CHD6: variants seen among roughly 807,000 people sequenced by gnomAD.
CHD6 encodes chromodomain helicase DNA binding protein 6, also known as ATP-dependent chromatin remodeler CHD6.
Under a neutral mutation model 276.9 loss-of-function variants are expected in CHD6, and 50 were observed. The ratio of observed to expected loss-of-function variants is 0.18; its 90% CI spans 0.14 to 0.23. The LOEUF (loss-of-function observed/expected upper bound fraction) is 0.23. Among genes scored for constraint, CHD6 ranks in the 10% least tolerant of loss-of-function variants. CHD6 has a pLI of 1.00. For synonymous variants in CHD6, 1,173 were observed against 1,229.3 expected (o/e 0.95, Z 0.96); for missense variants, 2,564 against 3,365.8 (o/e 0.76, Z 5.89).
In CHD6 at chr20:41,404,634, C is replaced by T. The variant is rs746546629; in HGVS notation, c.8107G>A (p.Gly2703Arg). The T allele has an allele frequency of 3.3e-6, 5 of 1,510,902 alleles. No individual in the cohort carries two copies. Among genetic ancestry groups the T allele is most frequent in the Non-Finnish European group, 3.5e-6 (4 of 1,129,674 alleles). 93.6% of individuals were successfully genotyped at this position (1,510,902 alleles called of 1,614,324 possible). Residue 2703 changes from glycine to arginine, a missense_variant, in exon 37 of 37, where the codon GGG becomes AGG. Gly to Arg is a moderately radical substitution (Grantham distance 125). Around this residue, in one of 7 missense-constraint regions of CHD6, gnomAD observed 238 missense variants for 266.0 expected, o/e 0.89. Coordinates refer to ENST00000373233, the MANE Select transcript of CHD6 (RefSeq NM_032221.5). ...PAEREHGAQA[G>R]EGALKDSNND... is the part of the protein sequence containing the mutation. The stretch of plus-strand genomic sequence containing the variant: ...TTGGAGTCTTTGAGTGCCCCCTCCC[C>T]AGCCTGTGCCCCATGTTCTCTCTCT...
rs1450891393 is a variant in CHD6, at chr20:41,445,756, T to G, written c.3786A>C (p.Val1262=). The part of the protein sequence containing the change: ...FEGSPARELD[V]PLPDIDYMEI... The stretch of plus-strand genomic sequence containing the variant: ...CCATGTAGTCGATGTCAGGCAGAGG[T>G]ACATCCAGCTCCCTAGGGAAGGAAG... Residue 1262 remains valine, a synonymous_variant, in exon 25 of 37, where the codon GTA becomes GTC. Coordinates refer to ENST00000373233, the MANE Select transcript of CHD6 (RefSeq NM_032221.5). 4 of 1,611,430 alleles carry G rather than the reference T, an allele frequency of 2.5e-6. No individual in the cohort carries two copies. Among genetic ancestry groups the G allele is most frequent in the Non-Finnish European group, 3.4e-6 (4 of 1,177,638 alleles).
chr20:41,549,127 G>C (rs1166559129), intron 2 of CHD6, among the ~76,000 whole-genome samples: 6 of 151,556 alleles, frequency 4.0e-5, no homozygotes, highest in Admixed American at 1.3e-4. Context: ...ATTTGACCCA[G>C]CCATCCCATT....
At chr20:41,558,844 C>G (rs948875106) in intron 1 of CHD6, among the ~76,000 whole-genome samples, 3 of 152,098 alleles carry the variant, frequency 2.0e-5, no homozygotes, top group African/African-American at 7.2e-5. Flanking sequence ...ACAGCACCCC[C>G]ACCTCCCACC....
intron 1 of CHD6, among the ~76,000 whole-genome samples, chr20:41,589,191 C>T (rs147045197): frequency 1.1e-4 from 17 of 152,258 alleles, no homozygotes; most frequent in African/African-American, 2.6e-4. Context: ...AAACTCTCAA[C>T]AAATTAGGTA....
intron 4 of CHD6, 106 bp downstream of exon 4, chr20:41,514,698 GC>G: frequency 7.6e-7 from 1 of 1,308,328 alleles, no homozygotes; most frequent in Non-Finnish European, 1.1e-6. Context: ...CCAGCCCAGG[GC>G]TAGGGAGTGT....
intron 33 of CHD6, among the ~76,000 whole-genome samples, chr20:41,415,969 G>C (rs957387052): frequency 6.6e-6 from 1 of 152,206 alleles, no homozygotes. Context: ...CACCTGGGAA[G>C]TTTAAAACAA....
intron 25 of CHD6, among the ~76,000 whole-genome samples, chr20:41,440,581 T>A (rs1452910010): frequency 6.6e-6 from 1 of 152,236 alleles, no homozygotes; most frequent in East Asian, 1.9e-4. Flanking sequence ...GATTGTTTAT[T>A]GCATTAAGAC....
chr20:41,543,588 T>TGGACATATATTAAATAAATGTAGTA (rs1327645906), intron 2 of CHD6, among the ~76,000 whole-genome samples: 1 of 152,208 alleles, frequency 6.6e-6, no homozygotes, highest in Non-Finnish European at 1.5e-5. Context: ...ATTTATTAAG[T>TGGACATATATTAAATAAATGTAGTA]GGACATATAT....
At chr20:41,526,254 A>G (rs952293892) in intron 3 of CHD6, among the ~76,000 whole-genome samples, 1 of 152,168 alleles carries the variant, frequency 6.6e-6, no homozygotes, top group African/African-American at 2.4e-5. Flanking sequence ...ATGAAGTCCA[A>G]TGGGTTCCAA....
intron 5 of CHD6, among the ~76,000 whole-genome samples, chr20:41,505,614 C>T (rs915301257): frequency 2.0e-5 from 3 of 152,242 alleles, no homozygotes; most frequent in East Asian, 3.9e-4. Context: ...CTATTTGATG[C>T]CTTTAAAAAG....
intron 1 of CHD6, among the ~76,000 whole-genome samples, chr20:41,562,722 T>C (rs1288793653): frequency 6.6e-6 from 1 of 152,200 alleles, no homozygotes; most frequent in Non-Finnish European, 1.5e-5. Context: ...ATCTGTAAGA[T>C]TAAAAGAGGG....
chr20:41,420,887 G>C lies in CHD6; in HGVS notation c.5748C>G (p.Ser1916Arg). Residue 1916 changes from serine to arginine, a missense_variant, in exon 31 of 37, where the codon AGC becomes AGG. Physicochemically the swap from Ser to Arg is moderately radical, Grantham distance 110. This residue lies in a region of CHD6 where 1,024 missense variants were observed against 1,047.9 expected (regional missense o/e 0.98). Coordinates refer to ENST00000373233, the MANE Select transcript of CHD6 (RefSeq NM_032221.5). ...QGFQDETKKG[S>R]LEVANQTPGL... Reference sequence around the variant, plus strand: ...CAGGAGTCTGGTTTGCCACCTCTAAGCTTCCTTTCTTGGTTTCATCTTGGA... The same window carrying C: ...CAGGAGTCTGGTTTGCCACCTCTAACCTTCCTTTCTTGGTTTCATCTTGGA... 6.2e-7 allele frequency: 1 copy of C among 1,614,198 alleles called. No homozygotes were observed. Among genetic ancestry groups the C allele is most frequent in the African/African-American group, 1.3e-5 (1 of 75,044 alleles).
intron 1 of CHD6, among the ~76,000 whole-genome samples, chr20:41,611,785 A>G (rs1243213107): frequency 6.6e-6 from 1 of 152,080 alleles, no homozygotes; most frequent in Non-Finnish European, 1.5e-5. Flanking sequence ...TTACAAGCAC[A>G]TGCCGCCATG....
At chr20:41,457,008 ACT>A (rs893910535) in intron 18 of CHD6, among the ~76,000 whole-genome samples, 5 of 152,092 alleles carry the variant, frequency 3.3e-5, no homozygotes, top group African/African-American at 1.2e-4. Context: ...ACAGTTAAAA[ACT>A]CTGTTTACTG....
chr20:41,515,018 C>T (rs2044217702), intron 3 of CHD6, 66 bp from the exon 4 acceptor site: 6 of 1,530,410 alleles, frequency 3.9e-6, no homozygotes, highest in Non-Finnish European at 5.4e-6. Context: ...CTCATGTGAT[C>T]AACGTCATGA....
intron 1 of CHD6, among the ~76,000 whole-genome samples, chr20:41,602,140 G>A (rs968866559): frequency 1.3e-5 from 2 of 152,150 alleles, no homozygotes; most frequent in African/African-American, 4.8e-5. Context: ...AGATTAATGA[G>A]AGCAAACTGA....
At chr20:41,497,277 G>A in intron 8 of CHD6, 107 bp downstream of exon 8, 1 of 771,636 alleles carries the variant, frequency 1.3e-6, no homozygotes. Flanking sequence ...AATTTGACTT[G>A]AGCAACAGAT....
chr20:41,592,190 A>G (rs558648496), intron 1 of CHD6, among the ~76,000 whole-genome samples: 2 of 152,328 alleles, frequency 1.3e-5, no homozygotes, highest in East Asian at 1.9e-4. Context: ...TACTATCAGC[A>G]TTTTCATGGT....
chr20:41,423,309 G>C (rs543917851), intron 30 of CHD6, among the ~76,000 whole-genome samples, 183 bp downstream of exon 30: 2 of 152,320 alleles, frequency 1.3e-5, no homozygotes, highest in Admixed American at 1.3e-4. Flanking sequence ...TTTTGGGAGA[G>C]AGATTTTATT....
Sources: allele counts gnomAD v4.1 joint callset (sites outside exome capture counted in the v4.1 genomes callset), GRCh38; gene constraint gnomAD v4.1.1; regional missense constraint gnomAD v4.1.1; transcripts MANE v1.5; gene names NCBI Gene and HGNC (gene_info 2026-07-23, HGNC 2026-07-21).